TGFBR3: variants seen among roughly 807,000 people sequenced by gnomAD.
The protein encoded by TGFBR3 is transforming growth factor beta receptor type 3.
Under a neutral mutation model 87.9 loss-of-function variants are expected in TGFBR3, and 46 were observed. That is an observed-to-expected ratio of 0.52 (90% confidence interval 0.41 to 0.67). TGFBR3 has a LOEUF of 0.67. TGFBR3 is among the 30% of genes least tolerant of loss of function. The pLI, the probability that TGFBR3 is intolerant of heterozygous loss-of-function variation, is 0.00. For missense variants in TGFBR3, 866 were observed against 1,041.9 expected, an observed-to-expected ratio of 0.83 and a Z score of 2.32; for synonymous variants, 381 against 391.6, an observed-to-expected ratio of 0.97 and a Z score of 0.32.
intron 7 of TGFBR3, 23 bp from the exon 8 acceptor site, chr1:91,722,167 A>T (rs991174247): frequency 1.2e-6 from 2 of 1,602,478 alleles, no homozygotes; most frequent in African/African-American, 2.7e-5. Flanking sequence ...CAAAAAAATC[A>T]CTCATGAGTC....
chr1:91,897,426 T>C (rs1679576118), intron 2 of TGFBR3, among the ~76,000 whole-genome samples: 1 of 152,336 alleles, frequency 6.6e-6, no homozygotes, highest in East Asian at 1.9e-4. Flanking sequence ...AAGTATTATG[T>C]CCCAAGGCCT....
chr1:91,863,980 G>C (rs1245643316), intron 1 of TGFBR3: 2 of 152,208 alleles, frequency 1.3e-5, no homozygotes, highest in East Asian at 3.9e-4. Context: ...CTAAATTAGT[G>C]AATTGGTTCA....
In TGFBR3 at chr1:91,683,167, C is replaced by T; in HGVS notation, c.*572G>A. 3 of 454,554 alleles carry T rather than the reference C, an allele frequency of 6.6e-6. No homozygotes were observed. Among genetic ancestry groups the T allele is most frequent in the South Asian group, 1.6e-5 (1 of 64,474 alleles). 28.2% of individuals were successfully genotyped at this position (454,554 alleles called of 1,614,324 possible). ...TGCAGTCCCTGAGGGCAGCACCCATCAAGGGACACATCAGACCCCACAGGT... is the reference window on the plus strand; with the variant it reads ...TGCAGTCCCTGAGGGCAGCACCCATTAAGGGACACATCAGACCCCACAGGT... On this transcript the variant is annotated 3_prime_UTR_variant, in exon 17 of 17. Transcript: ENST00000212355.
intron 2 of TGFBR3, among the ~76,000 whole-genome samples, chr1:91,820,879 T>C (rs375330888): frequency 6.6e-6 from 1 of 152,142 alleles, no homozygotes; most frequent in African/African-American, 2.4e-5. Context: ...CATACATGCA[T>C]AGAAAAAGGA....
intron 12 of TGFBR3, among the ~76,000 whole-genome samples, chr1:91,714,730 C>T (rs958113446): frequency 6.6e-6 from 1 of 152,172 alleles, no homozygotes; most frequent in Non-Finnish European, 1.5e-5. Flanking sequence ...CCCTGAAATC[C>T]ACAGCGCAAT....
chr1:91,683,443 G>A lies in TGFBR3; in HGVS notation c.*296C>T, dbSNP rs1383572391. Reference sequence around the variant, plus strand: ...AAAGCAGCATTTTAAAAACTGGCATGTGTTTCACATTGAAAACCCCCAAGC... The same window carrying A: ...AAAGCAGCATTTTAAAAACTGGCATATGTTTCACATTGAAAACCCCCAAGC... On this transcript the variant is annotated 3_prime_UTR_variant, in exon 17 of 17. Transcript: ENST00000212355. 3 of 616,148 alleles carry A rather than the reference G, an allele frequency of 4.9e-6. No homozygotes were observed. The highest frequency in any genetic ancestry group is 9.0e-6 in the Non-Finnish European group (3 of 331,632). The allele number at this position is 616,148 out of a possible 1,614,324, so 38.2% of individuals were successfully genotyped here. A position where few individuals can be genotyped will look rare whatever the true frequency, so the allele number is the denominator to read the frequency against.
chr1:91,830,540 C>T (rs1676817289), intron 2 of TGFBR3, among the ~76,000 whole-genome samples: 1 of 152,148 alleles, frequency 6.6e-6, no homozygotes, highest in African/African-American at 2.4e-5. Flanking sequence ...CTGGGTTCTA[C>T]AGTCTGTTCC....
intron 3 of TGFBR3, among the ~76,000 whole-genome samples, chr1:91,782,591 A>G (rs17886294): frequency 0.029 from 4,491 of 152,252 alleles, 94 homozygotes; most frequent in Non-Finnish European, 0.048. Flanking sequence ...TTAAGTGTTA[A>G]ATTTACCTAA....
At chr1:91,736,928 C>A (rs192175343) in intron 4 of TGFBR3, among the ~76,000 whole-genome samples, 77 of 152,272 alleles carry the variant, frequency 5.1e-4, no homozygotes, top group East Asian at 7.7e-4. Flanking sequence ...GAGCGGAAAG[C>A]GGGATGTCAC....
rs928403326 is a variant in TGFBR3 at position 91,886,087 on chromosome 1, C to T, written c.-323G>A. 2.2e-6 allele frequency: 1 copy of T among 453,976 alleles called. No homozygotes were observed. Among genetic ancestry groups the T allele is most frequent in the African/African-American group, 2.0e-5 (1 of 50,012 alleles). The allele number at this position is 453,976 out of a possible 1,614,324, so 28.1% of individuals were successfully genotyped here. On this transcript the variant is annotated 5_prime_UTR_variant, in exon 1 of 17. Coordinates refer to ENST00000212355, the MANE Select transcript of TGFBR3 (RefSeq NM_003243.5). ...AAAGTGGCCGGGGCGCGAGAGCCGC[C>T]GACTGCCCTCCTTCACTCGCTGGGA... is the stretch of plus-strand genomic sequence containing the variant.
chr1:91,784,328 C>A (rs1014193539), intron 3 of TGFBR3, among the ~76,000 whole-genome samples: 71 of 152,212 alleles, frequency 4.7e-4, no homozygotes, highest in African/African-American at 1.6e-3. Flanking sequence ...AAAGGAAAGT[C>A]ATTTAAGAAG....
At position 91,758,748 on chromosome 1, in the gene TGFBR3, G is replaced by T; in HGVS notation, c.249C>A (p.Val83=). 2 of 1,613,860 alleles carry T rather than the reference G, an allele frequency of 1.2e-6. No homozygotes were observed. The highest frequency in any genetic ancestry group is 1.1e-5 in the South Asian group (1 of 91,026). The change falls in exon 4 of 17, where the codon GTC becomes GTA. Residue 83 remains valine (V), a splice_region_variant and synonymous_variant. Coordinates refer to ENST00000212355, the MANE Select transcript of TGFBR3 (RefSeq NM_003243.5). ...GQGPGQLQRE[V]TLHLNPISSV... is the part of the protein sequence containing the mutation. ...AGGAGATGGGATTCAGGTGAAGTGT[G>T]ACCTAGGAAGCAACAGAAAGAGGGC...
At chr1:91,684,174 AC>A (rs1247025245) in intron 16 of TGFBR3, among the ~76,000 whole-genome samples, 1 of 152,168 alleles carries the variant, frequency 6.6e-6, no homozygotes, top group Non-Finnish European at 1.5e-5. Context: ...TGAAATCACC[AC>A]CACTTGGTCT....
At chr1:91,890,400 CTCTATAA>C (rs1318403558), upstream of TGFBR3, among the ~76,000 whole-genome samples, 192 of 102,066 alleles carry the variant, frequency 1.9e-3, 2 homozygotes, top group Non-Finnish European at 1.7e-3. Flanking sequence ...TTGGTTGTTT[CTCTATAA>C]TCTTTTTTTT....
intron 3 of TGFBR3, among the ~76,000 whole-genome samples, chr1:91,796,295 A>G (rs1675378438): frequency 6.6e-6 from 1 of 152,220 alleles, no homozygotes; most frequent in Admixed American, 6.5e-5. Flanking sequence ...CTCTCTGAAG[A>G]TGATGACCTT....
intron 6 of TGFBR3, among the ~76,000 whole-genome samples, chr1:91,729,405 T>C (rs990361175): frequency 3.3e-5 from 5 of 151,990 alleles, no homozygotes; most frequent in Non-Finnish European, 4.4e-5. Flanking sequence ...AAGATGATAA[T>C]TATATTAATA....
rs554513186 is a variant in TGFBR3, at chr1:91,756,475, T to C, written c.384+2138A>G. Among the ~76,000 whole-genome samples the C allele has an allele frequency of 1.1e-4, 17 of 152,266 alleles. No individual in the cohort carries two copies. In the South Asian group the frequency reaches 3.3e-3, roughly 30 times the overall value. ...GTGATTTGGCCCACTACTTAACTTC[T>C]CTAAATCTTAGTTCTTCATCTATAA... On this transcript the variant is annotated intron_variant, in intron 4 of 16. Coordinates refer to ENST00000212355, the MANE Select transcript of TGFBR3 (RefSeq NM_003243.5).
intron 2 of TGFBR3, among the ~76,000 whole-genome samples, chr1:91,897,283 A>G (rs1679573313): frequency 6.6e-6 from 1 of 152,204 alleles, no homozygotes; most frequent in Non-Finnish European, 1.5e-5. Context: ...AAGGGACAGC[A>G]TCGACATATT....
chr1:91,691,032 TAAA>T, intron 16 of TGFBR3, among the ~76,000 whole-genome samples: 1 of 152,038 alleles, frequency 6.6e-6, no homozygotes, highest in Non-Finnish European at 1.5e-5. Context: ...TTATTAGAAT[TAAA>T]AAAGTTATTG....
Sources: allele counts gnomAD v4.1 joint callset (sites outside exome capture counted in the v4.1 genomes callset), GRCh38; gene constraint gnomAD v4.1.1; transcripts MANE v1.5; gene names NCBI Gene and HGNC (gene_info 2026-07-23, HGNC 2026-07-21).